The following COL11A1 variants were observed in gnomAD, a reference collection of about 807,000 sequenced individuals.
COL11A1 encodes collagen alpha-1(XI) chain.
COL11A1 carries 74 observed loss-of-function variants against 265.2 expected under a neutral mutation model. The observed-to-expected ratio is 0.28, with a 90% CI of 0.23 to 0.34. The LOEUF is 0.34. Ranked by LOEUF, COL11A1 falls within the 10% of genes least tolerant of loss-of-function variation. The probability of loss-of-function intolerance (pLI) is 1.00; values close to 1 mark genes in which losing one functional copy is unlikely to be tolerated. For synonymous variants in COL11A1, 816 were observed against 727.6 expected, an observed-to-expected ratio of 1.12 and a Z score of -1.96; for missense variants, 2,165 against 2,263.6, an observed-to-expected ratio of 0.96 and a Z score of 0.88.
At chr1:102,920,444 C>CA (rs1557822074) in intron 48 of COL11A1, 80 bp from the exon 49 acceptor site, 2 of 1,229,270 alleles carry the variant, frequency 1.6e-6, no homozygotes, top group Non-Finnish European at 1.2e-6. Flanking sequence ...TAGTTGTTCT[C>CA]AAAAAAGAGA....
At chr1:103,074,893 C>A in intron 3 of COL11A1, 113 bp from the exon 4 acceptor site, 1 of 1,250,512 alleles carries the variant, frequency 8.0e-7, no homozygotes, top group South Asian at 1.3e-5. Flanking sequence ...TAAAATCATA[C>A]AAAAAATGTA....
rs1182148061 is a variant in COL11A1 at position 102,939,046 on chromosome 1, T to C, written c.3427A>G (p.Lys1143Glu). 1 of 1,613,812 alleles carries C rather than the reference T, an allele frequency of 6.2e-7. No individual in the cohort carries two copies. Among genetic ancestry groups the C allele is most frequent in the Admixed American group, 1.7e-5 (1 of 60,028 alleles). Residue 1143 changes from lysine to glutamate, a missense_variant, in exon 44 of 67, where the codon AAG becomes GAG. Transcript: ENST00000370096. ...EPGQKGSKGD[K>E]GENGPPGPPG... The stretch of plus-strand genomic sequence containing the variant: ...AGTAGGAAACTCACATTTTCTCCCT[T>C]GTCACCCTTGCTGCCTTTTTGTCCC...
chr1:103,066,390 A>T (rs142805336), intron 4 of COL11A1, among the ~76,000 whole-genome samples: 270 of 152,092 alleles, frequency 1.8e-3, no homozygotes, highest in Non-Finnish European at 3.2e-3. Flanking sequence ...ATGTTTCTGC[A>T]TTACATACAT....
At chr1:103,023,118 A>G (rs1161710879) in intron 7 of COL11A1, 122 bp from the exon 8 acceptor site, 1 of 936,534 alleles carries the variant, frequency 1.1e-6, no homozygotes, top group East Asian at 2.4e-5. Flanking sequence ...TACTCAAGCA[A>G]CTCTAAACAC....
Position 103,014,480 on chromosome 1 carries a change from C to T in COL11A1, c.1572+31G>A, listed in dbSNP as rs368384504. On this transcript the variant is annotated intron_variant, in intron 13 of 66. Transcript: ENST00000370096. ...ATATACTTGATACAGAGTCAGTCAT[C>T]TTGTGGGAATGCAAGTTTATCCTGT... 10 of 1,572,156 alleles carry T rather than the reference C, an allele frequency of 6.4e-6. 1 individual carries two copies. In the African/African-American group the frequency reaches 8.1e-5, roughly 13 times the overall value.
chr1:102,886,750 G>T, intron 63 of COL11A1, 57 bp downstream of exon 63: 1 of 1,608,494 alleles, frequency 6.2e-7, no homozygotes. Context: ...AGCTGCCAAT[G>T]CACCTCAGAA....
At chr1:103,002,693 T>G in intron 22 of COL11A1, 54 bp downstream of exon 22, 1 of 1,497,602 alleles carries the variant, frequency 6.7e-7, no homozygotes, top group South Asian at 1.1e-5. Context: ...CAAAAAATGG[T>G]TTCTTAGGGC....
At chr1:103,036,791 A>G (rs1398681846) in intron 4 of COL11A1, among the ~76,000 whole-genome samples, 1 of 152,064 alleles carries the variant, frequency 6.6e-6, no homozygotes, top group Non-Finnish European at 1.5e-5. Context: ...TGGCATCTTT[A>G]GCATACAAGG....
chr1:102,895,484 C>T (rs1275843233), intron 57 of COL11A1, among the ~76,000 whole-genome samples: 1 of 151,960 alleles, frequency 6.6e-6, no homozygotes, highest in Non-Finnish European at 1.5e-5. Flanking sequence ...GAAAAGAGAC[C>T]CAATAGGTAC....
chr1:102,991,460 C>T (rs1664123027), intron 28 of COL11A1, among the ~76,000 whole-genome samples: 1 of 140,328 alleles, frequency 7.1e-6, no homozygotes, highest in African/African-American at 2.5e-5. Flanking sequence ...AGCCCTTCTT[C>T]ACTTCTTCAG....
At chr1:102,883,050 T>C (rs1243494323) in intron 64 of COL11A1, 149 bp downstream of exon 64, 1 of 686,054 alleles carries the variant, frequency 1.5e-6, no homozygotes, top group Admixed American at 2.1e-5. Context: ...TTGGTGCTTA[T>C]TCATGTTTAT....
intron 4 of COL11A1, among the ~76,000 whole-genome samples, chr1:103,063,135 TCTC>T (rs1293539294): frequency 6.6e-6 from 1 of 152,054 alleles, no homozygotes; most frequent in East Asian, 1.9e-4. Flanking sequence ...AGATGTCAGT[TCTC>T]CTCAACTTGA....
intron 10 of COL11A1, 89 bp from the exon 11 acceptor site, chr1:103,017,971 T>C: frequency 9.4e-7 from 1 of 1,058,324 alleles, no homozygotes; most frequent in Non-Finnish European, 1.5e-6. Flanking sequence ...AGAGTTCGTT[T>C]ATATTTTATA....
intron 4 of COL11A1, among the ~76,000 whole-genome samples, chr1:103,045,942 G>A (rs993600579): frequency 1.3e-5 from 2 of 151,764 alleles, no homozygotes; most frequent in African/African-American, 4.8e-5. Context: ...CAAAGGACAT[G>A]AACTCATCAT....
Position 103,031,427 on chromosome 1 carries a change from G to A in COL11A1, c.652-183C>T, listed in dbSNP as rs75957832. Among the ~76,000 whole-genome samples the A allele has an allele frequency of 0.03, 4,632 of 152,004 alleles. 267 individuals are homozygous for A. The highest frequency in any genetic ancestry group is 0.11 in the African/African-American group (4,388 of 41,450). ...AAGAGAAACACCTATTTTACAAATC[G>A]GCTGTAAATATTAGGCTGTTATTCT... On this transcript the variant is annotated intron_variant, in intron 4 of 66. Transcript: ENST00000370096.
rs554436663 is a variant in COL11A1 at position 103,104,956 on chromosome 1, G to A, written c.106+3117C>T. On this transcript the variant is annotated intron_variant, in intron 1 of 66. Transcript: ENST00000370096. ...GCACTCAAAACTACACTTCTTCAGG[G>A]CTCACTATCGATTCCTGACAAGCTT... 7.9e-5 allele frequency among the ~76,000 whole-genome samples: 12 copies of A among 152,264 alleles called. No homozygotes were observed. In the South Asian group the frequency reaches 2.1e-3, roughly 26 times the overall value.
At chr1:103,069,166 T>C (rs1248285617) in intron 4 of COL11A1, among the ~76,000 whole-genome samples, 1 of 151,546 alleles carries the variant, frequency 6.6e-6, no homozygotes, top group Non-Finnish European at 1.5e-5. Context: ...TTTTAAAATG[T>C]TTTCTAAAAC....
intron 41 of COL11A1, among the ~76,000 whole-genome samples, chr1:102,959,470 G>T (rs1427868391): frequency 2.6e-5 from 4 of 152,022 alleles, no homozygotes; most frequent in Non-Finnish European, 4.4e-5. Flanking sequence ...TTTTCCACAT[G>T]GCCCTTCCCC....
intron 57 of COL11A1, among the ~76,000 whole-genome samples, chr1:102,891,327 T>A (rs1651750253): frequency 6.6e-6 from 1 of 152,136 alleles, no homozygotes; most frequent in Non-Finnish European, 1.5e-5. Context: ...GATGGTACTT[T>A]CAGCTGTAAT....
Sources: gnomAD v4.1 joint callset for allele counts (sites outside exome capture counted in the v4.1 genomes callset) on GRCh38, gnomAD v4.1.1 for gene constraint, MANE v1.5 for transcripts, NCBI Gene and HGNC (gene_info 2026-07-23, HGNC 2026-07-21) for gene names.